The following CILP variants were observed in gnomAD, a reference collection of about 807,000 sequenced individuals.
CILP encodes the protein cartilage intermediate layer protein 1.
A neutral mutation model predicts 82.5 loss-of-function variants in CILP; 75 were observed. The observed-to-expected ratio is 0.91, with a 90% CI of 0.75 to 1.10. CILP has a LOEUF of 1.10. Ranked by LOEUF, CILP falls within the 50% of genes least tolerant of loss-of-function variation. The pLI is 0.00. For missense variants in CILP, 1,479 were observed against 1,530.8 expected (o/e 0.97, Z 0.56); for synonymous variants, 530 against 580.3 (o/e 0.91, Z 1.25).
chr15:65,204,850 C>T (rs569174552), intron 5 of CILP, among the ~76,000 whole-genome samples: 2 of 152,150 alleles, frequency 1.3e-5, no homozygotes, highest in Non-Finnish European at 2.9e-5. Context: ...GAAACCTTGT[C>T]TCTACAAAAA....
Position 65,197,832 on chromosome 15 carries a change from A to G in CILP, c.2454T>C (p.Asp818=), listed in dbSNP as rs1249183651. The G allele has an allele frequency of 6.2e-7, 1 of 1,614,028 alleles. No individual in the cohort carries two copies. The highest frequency in any genetic ancestry group is 1.3e-5 in the African/African-American group (1 of 74,930). ...VPAFCDDQSP[D]AYSAYVLASL... ...TTGCCAAGACATAGGCAGAGTAGGC[A>G]TCAGGGGACTGGTCATCACAGAAGG... Residue 818 remains aspartate (D), a synonymous_variant, in exon 9 of 9, where the codon GAT becomes GAC. Transcript: ENST00000261883.
At position 65,195,258 on chromosome 15, in the gene CILP, G is replaced by C. The variant is rs912377543; in HGVS notation, c.*1473C>G. On this transcript the variant is annotated 3_prime_UTR_variant, in exon 9 of 9. Coordinates refer to ENST00000261883, the MANE Select transcript of CILP (RefSeq NM_003613.4). ...TGGGTAAAGGAGCTGCACTAGGCTG[G>C]CCAGGGCATCAGGGAAAGCTTTTTG... The C allele has an allele frequency of 2.6e-5, 4 of 152,236 alleles. No individual in the cohort carries two copies. The highest frequency in any genetic ancestry group is 4.4e-5 in the Non-Finnish European group (3 of 68,086). The allele number at this position is 152,236 out of a possible 1,614,324, so 9.4% of individuals were successfully genotyped here. A position where few individuals can be genotyped will look rare whatever the true frequency, so the allele number is the denominator to read the frequency against.
At position 65,206,989 on chromosome 15, in the gene CILP, G is replaced by A. The variant is rs368935809; in HGVS notation, c.217C>T (p.Arg73Trp). ...TAGTAGAAGCGAATGGCGTCCAGCCGCTCATAGTCGCCCTTCCCGCCTGGG... is the reference window on the plus strand; with the variant it reads ...TAGTAGAAGCGAATGGCGTCCAGCCACTCATAGTCGCCCTTCCCGCCTGGG... ...DYPGGKGDYE[R>W]LDAIRFYYGD... is the part of the protein sequence containing the mutation. The change falls in exon 4 of 9, where the codon CGG (arginine) becomes TGG (tryptophan). Residue 73 changes from arginine to tryptophan, a missense_variant. Physicochemically the swap from Arg to Trp is moderately radical, Grantham distance 101 (BLOSUM62 -3). Transcript: ENST00000261883. 4.3e-5 allele frequency: 70 copies of A among 1,613,870 alleles called. No homozygotes were observed. Among genetic ancestry groups the A allele is most frequent in the Non-Finnish European group, 5.4e-5 (64 of 1,180,000 alleles).
chr15:65,202,091 G>A (rs1000975125), intron 7 of CILP, 62 bp from the exon 8 acceptor site: 1 of 1,400,098 alleles, frequency 7.1e-7, no homozygotes, highest in African/African-American at 1.5e-5. Context: ...TCCTAGAAAA[G>A]TGCCAGGAGC....
At position 65,197,231 on chromosome 15, in the gene CILP, G is replaced by C. The variant is rs146484784; in HGVS notation, c.3055C>G (p.Arg1019Gly). ...ACCTTCACCAGGGTGCGGTCCACAC[G>C]GTCCTGATCATAGAGCATCCCACTG... ...KCSGMLYDQD[R>G]VDRTLVKVIP... is the part of the protein sequence containing the mutation. Residue 1019 changes from arginine to glycine, a missense_variant, in exon 9 of 9, where the codon CGT (arginine) becomes GGT (glycine). By Grantham distance (125) the Arg-to-Gly change is moderately radical (BLOSUM62 -2). Transcript: ENST00000261883. The C allele has an allele frequency of 5.0e-6, 8 of 1,613,938 alleles. No individual in the cohort carries two copies. The highest frequency in any genetic ancestry group is 6.8e-6 in the Non-Finnish European group (8 of 1,180,022).
At chr15:65,199,190 T>A in intron 8 of CILP, 91 bp from the exon 9 acceptor site, 1 of 871,114 alleles carries the variant, frequency 1.1e-6, no homozygotes, top group Non-Finnish European at 1.7e-6. Context: ...TATTCTATGG[T>A]TTTCAAAGGA....
intron 1 of CILP, among the ~76,000 whole-genome samples, chr15:65,210,288 C>T (rs753997482): frequency 9.9e-5 from 15 of 152,188 alleles, no homozygotes; most frequent in African/African-American, 3.4e-4. Context: ...GACTTGGCTC[C>T]GACTCCAGTG....
chr15:65,204,368 G>A lies in CILP; in HGVS notation c.819C>T (p.Ser273=), dbSNP rs1566995953. 2.5e-6 allele frequency: 4 copies of A among 1,614,086 alleles called. No homozygotes were observed. The highest frequency in any genetic ancestry group is 3.4e-6 in the Non-Finnish European group (4 of 1,180,050). ...RIPGLCPDGK[S]ILKITKVKFA... is the part of the protein sequence containing the mutation. ...ACTTGACCTTTGTGATCTTCAGGAT[G>A]CTTTTGCCATCAGGGCACAAGCCAG... Residue 273 remains serine (S), a synonymous_variant, in exon 6 of 9, where the codon AGC becomes AGT. Transcript: ENST00000261883.
At chr15:65,210,530 G>A (rs535622045) in intron 1 of CILP, among the ~76,000 whole-genome samples, 1 of 152,328 alleles carries the variant, frequency 6.6e-6, no homozygotes, top group East Asian at 1.9e-4. Context: ...GAACTGCAAG[G>A]GTCAGGAGAG....
At chr15:65,203,687 C>G (rs368299325) in intron 6 of CILP, among the ~76,000 whole-genome samples, 1 of 152,204 alleles carries the variant, frequency 6.6e-6, no homozygotes, top group East Asian at 1.9e-4. Flanking sequence ...GCCTGTCAAG[C>G]AGCATCTGGG....
At chr15:65,205,580 T>C in intron 4 of CILP, 114 bp from the exon 5 acceptor site, 1 of 1,005,976 alleles carries the variant, frequency 9.9e-7, no homozygotes, top group East Asian at 2.7e-5. Flanking sequence ...ATTTATGTCG[T>C]AGATGTCACT....
In CILP at chr15:65,205,369, T is replaced by C. The variant is rs767663571; in HGVS notation, c.522A>G (p.Thr174=). The C allele has an allele frequency of 5.0e-6, 8 of 1,614,116 alleles. No homozygotes were observed. Among genetic ancestry groups the C allele is most frequent in the Non-Finnish European group, 6.8e-6 (8 of 1,180,028 alleles). The change falls in exon 5 of 9, where the codon ACA becomes ACG. Residue 174 remains threonine, a synonymous_variant. Transcript: ENST00000261883. The part of the protein sequence containing the change: ...ACGQTGVQTR[T]RICLAEMVSL... ...ACACCATCTCTGCCAAGCAAATGCG[T>C]GTGCGAGTCTGGACCCCAGTCTGAC...
intron 4 of CILP, 107 bp downstream of exon 4, chr15:65,206,675 G>C: frequency 8.3e-7 from 1 of 1,208,680 alleles, no homozygotes; most frequent in East Asian, 2.4e-5. Context: ...CCAAGCATAC[G>C]CATGTGTGTG....
In CILP at chr15:65,197,653, A is replaced by G. The variant is rs750186409; in HGVS notation, c.2633T>C (p.Met878Thr). 2.5e-6 allele frequency: 4 copies of G among 1,614,196 alleles called. No individual in the cohort carries two copies. The East Asian group carries it at 6.7e-5, about 27-fold the overall frequency. ...RVKKTAFQISMAKPRPNSAEE... is the reference protein window; with the variant it reads ...RVKKTAFQISTAKPRPNSAEE... ...AGCTGAGTTGGGCCTTGGCTTGGCC[A>G]TGCTAATCTGGAAAGCTGTCTTTTT... Residue 878 changes from methionine to threonine, a missense_variant, in exon 9 of 9, where the codon ATG (methionine) becomes ACG (threonine). Transcript: ENST00000261883.
intron 8 of CILP, 144 bp downstream of exon 8, chr15:65,201,728 C>CAAAAAAAAAAAAAAAAAAAAAGAA (rs2088455564): frequency 4.1e-6 from 1 of 245,604 alleles, no homozygotes; most frequent in African/African-American, 3.6e-5. Flanking sequence ...GACTCCATCT[C>CAAAAAAAAAAAAAAAAAAAAAGAA]AAAAAAAAAA....
chr15:65,196,796 G>T lies in CILP; in HGVS notation c.3490C>A (p.Arg1164Ser), dbSNP rs772689886. 14 of 1,598,642 alleles carry T rather than the reference G, an allele frequency of 8.8e-6. No homozygotes were observed. The highest frequency in any genetic ancestry group is 1.7e-5 in the Admixed American group (1 of 58,628). Residue 1164 changes from arginine (R) to serine (S), a missense_variant, in exon 9 of 9, where the codon CGC becomes AGC. Arg to Ser is a moderately radical substitution (Grantham distance 110, BLOSUM62 -1). Coordinates refer to ENST00000261883, the MANE Select transcript of CILP (RefSeq NM_003613.4). ...AGAGAGGCCACCACTCCACCCTGGC[G>T]CTGGCCACCCCTGCTCGCTCGCTGC... ...RQQRASRGGQ[R>S]QGGVVASLRF... is the part of the protein sequence containing the mutation.
chr15:65,198,124 C>T lies in CILP; in HGVS notation c.2162G>A (p.Arg721Lys), dbSNP rs1171286517. The stretch of plus-strand genomic sequence containing the variant: ...GAAGGTTCTGTCTTCTCTTTTGTTC[C>T]TCCTTTGATTTTCAAATTTGAAATC... Reference protein sequence around the residue: ...EGDFKFENQRRNKREDRTFLV... With the variant: ...EGDFKFENQRKNKREDRTFLV... The change falls in exon 9 of 9, where the codon AGG becomes AAG. Residue 721 changes from arginine to lysine, a missense_variant. Arg to Lys is a conservative substitution (Grantham distance 26, BLOSUM62 2). Transcript: ENST00000261883. 2 of 1,614,242 alleles carry T rather than the reference C, an allele frequency of 1.2e-6. No homozygotes were observed. The highest frequency in any genetic ancestry group is 2.2e-5 in the East Asian group (1 of 44,886).
At chr15:65,202,581 C>T (rs1566995261) in intron 7 of CILP, among the ~76,000 whole-genome samples, 1 of 151,924 alleles carries the variant, frequency 6.6e-6, no homozygotes, top group Non-Finnish European at 1.5e-5. Context: ...GCATGCACCA[C>T]CACGCCCAGC....
Position 65,205,264 on chromosome 15 carries a change from A to G in CILP, c.604+23T>C, listed in dbSNP as rs781309731. The G allele has an allele frequency of 4.4e-6, 7 of 1,578,142 alleles. No individual in the cohort carries two copies. In the Admixed American group the frequency reaches 1.2e-4, roughly 27 times the overall value. ...CAGCCTCACCCACCACACCCTGCCC[A>G]GTGCCAGGAGGGAGGGTGGTACCTG... On this transcript the variant is annotated intron_variant, in intron 5 of 8. Transcript: ENST00000261883.
Sources: gnomAD v4.1 joint callset for allele counts (sites outside exome capture counted in the v4.1 genomes callset) on GRCh38, gnomAD v4.1.1 for gene constraint, MANE v1.5 for transcripts, NCBI Gene and HGNC (gene_info 2026-07-23, HGNC 2026-07-21) for gene names.